Variants in RNF212 observed in about 807,000 individuals in gnomAD.
RNF212 encodes the protein probable E3 SUMO-protein ligase RNF212.
Under a neutral mutation model 34.7 loss-of-function variants are expected in RNF212, and 33 were observed. That is an observed-to-expected ratio of 0.95 (90% confidence interval 0.72 to 1.27). The LOEUF (loss-of-function observed/expected upper bound fraction) is 1.27. RNF212 is among the 50% of genes most tolerant of loss of function. The pLI, the probability that RNF212 is intolerant of heterozygous loss-of-function variation, is 0.00. For synonymous variants in RNF212, 140 were observed against 136.1 expected, an observed-to-expected ratio of 1.03 and a Z score of -0.20; for missense variants, 377 against 362.2, an observed-to-expected ratio of 1.04 and a Z score of -0.33.
chr4:1,074,945 G>T (rs908229288), intron 8 of RNF212, among the ~76,000 whole-genome samples: 17 of 152,236 alleles, frequency 1.1e-4, no homozygotes, highest in Admixed American at 1.3e-4. Context: ...TCAATATCAA[G>T]TTCATCCTAA....
At chr4:1,063,564 G>A (rs541158702) in intron 3 of RNF212, among the ~76,000 whole-genome samples, 18 of 152,138 alleles carry the variant, frequency 1.2e-4, no homozygotes, top group Admixed American at 3.3e-4. Flanking sequence ...AGCCAGGTGT[G>A]GTGGTGCGCA....
intron 5 of RNF212, among the ~76,000 whole-genome samples, chr4:1,083,619 CAG>C (rs1347467010): frequency 2.0e-5 from 3 of 149,886 alleles, no homozygotes; most frequent in African/African-American, 7.5e-5. Context: ...GCCTGGGTGA[CAG>C]AGTGAGACTC....
downstream of RNF212, among the ~76,000 whole-genome samples, chr4:1,069,657 G>A (rs55644007): frequency 3.3e-5 from 5 of 152,294 alleles, no homozygotes; most frequent in East Asian, 9.6e-4. Context: ...TCTGTGCTCC[G>A]ATGTGATGTG....
At chr4:1,079,409 G>C (rs912803968) in intron 8 of RNF212, among the ~76,000 whole-genome samples, 3 of 152,220 alleles carry the variant, frequency 2.0e-5, no homozygotes, top group Non-Finnish European at 4.4e-5. Flanking sequence ...ATTTGCTTTT[G>C]TTTCTCCAGA....
At chr4:1,100,272 T>G (rs1214137899) in intron 2 of RNF212, 5 of 261,332 alleles carry the variant, frequency 1.9e-5, no homozygotes, top group Non-Finnish European at 3.0e-5. Flanking sequence ...TAAGACCCAG[T>G]CACAACACCG....
intron 5 of RNF212, among the ~76,000 whole-genome samples, chr4:1,084,887 A>G (rs1010107929): frequency 1.3e-5 from 2 of 152,210 alleles, no homozygotes; most frequent in Admixed American, 1.3e-4. Flanking sequence ...CAGGGGAAAG[A>G]ATCCCTTTTC....
intron 2 of RNF212, among the ~76,000 whole-genome samples, chr4:1,106,249 T>TAC (rs35166968): frequency 0.048 from 6,934 of 145,910 alleles, 242 homozygotes; most frequent in Admixed American, 0.14. Flanking sequence ...CAATTTTACT[T>TAC]ACACACACAC....
intron 5 of RNF212, among the ~76,000 whole-genome samples, chr4:1,083,880 C>T (rs1248382408): frequency 1.3e-5 from 2 of 151,290 alleles, no homozygotes; most frequent in Non-Finnish European, 2.9e-5. Context: ...AAACACGAAT[C>T]CACAGAATGA....
rs905739300 is a variant in RNF212, at chr4:1,097,980, G to A, written c.172-1141C>T. Among the ~76,000 whole-genome samples, 3 of 152,026 alleles carry A rather than the reference G, an allele frequency of 2.0e-5. No individual in the cohort carries two copies. In the East Asian group the frequency reaches 5.8e-4, roughly 29 times the overall value. ...CTTGGGAGGCTGAGGCAGAAGAATC[G>A]CTTGAACCCGGGAGGTGGAGGTTGC... On this transcript the variant is annotated intron_variant, in intron 2 of 9. Transcript: ENST00000433731.
chr4:1,061,313 G>A (rs76172097), intron 3 of RNF212, among the ~76,000 whole-genome samples: 1 of 152,176 alleles, frequency 6.6e-6, no homozygotes, highest in African/African-American at 2.4e-5. Context: ...GTGGGCTCAA[G>A]GTGGGAGGGG....
intron 8 of RNF212, among the ~76,000 whole-genome samples, chr4:1,076,959 T>A (rs1719404755): frequency 6.6e-6 from 1 of 152,194 alleles, no homozygotes; most frequent in South Asian, 2.1e-4. Flanking sequence ...CAAAAATGTG[T>A]GCTGGCCAGG....
rs1019519360 is a variant in RNF212 at position 1,071,908 on chromosome 4, C to T, written c.*966G>A. 1.3e-5 allele frequency: 2 copies of T among 152,350 alleles called. No homozygotes were observed. Among genetic ancestry groups the T allele is most frequent in the Middle Eastern group, 3.4e-3 (1 of 294 alleles). 9.4% of individuals were successfully genotyped at this position (152,350 alleles called of 1,614,324 possible). A position where few individuals can be genotyped will look rare whatever the true frequency, so the allele number is the denominator to read the frequency against. On this transcript the variant is annotated 3_prime_UTR_variant, in exon 10 of 10. Coordinates refer to ENST00000433731, the MANE Select transcript of RNF212 (RefSeq NM_001131034.4). ...CTCTCACCATCTGATCCAGCATTCACACTCCTTAGTATTTACCCAAAGGAG... is the reference window on the plus strand; with the variant it reads ...CTCTCACCATCTGATCCAGCATTCATACTCCTTAGTATTTACCCAAAGGAG...
At chr4:1,106,620 T>C (rs1247925477) in intron 2 of RNF212, among the ~76,000 whole-genome samples, 1 of 152,180 alleles carries the variant, frequency 6.6e-6, no homozygotes, top group Non-Finnish European at 1.5e-5. Context: ...TGGTCTTAAA[T>C]ATACTTACTA....
At chr4:1,105,257 T>C (rs1297670759) in intron 2 of RNF212, among the ~76,000 whole-genome samples, 1 of 151,826 alleles carries the variant, frequency 6.6e-6, no homozygotes, top group African/African-American at 2.4e-5. Flanking sequence ...AGGAGGCAGA[T>C]GCAGGGGGAG....
intron 2 of RNF212, chr4:1,101,440 TATTCCCTTCTGCTTAA>T (rs1413199145): frequency 3.8e-5 from 6 of 158,228 alleles, no homozygotes; most frequent in African/African-American, 1.4e-4. Context: ...GTAAACATGG[TATTCCCTTCTGCTTAA>T]GATGGGATTT....
chr4:1,085,956 TA>T lies in RNF212; in HGVS notation c.304-3del. On this transcript the variant is annotated splice_region_variant and splice_polypyrimidine_tract_variant and intron_variant, in intron 4 of 9. Transcript: ENST00000433731. Reference sequence around the variant, plus strand: ...AAGGGATTCTTCCAACCTAGAAATCTAAACATAATTACACAACCTCTTGTTA... The same window carrying T: ...AAGGGATTCTTCCAACCTAGAAATCTAACATAATTACACAACCTCTTGTTA... The T allele has an allele frequency of 6.3e-7, 1 of 1,598,212 alleles. No homozygotes were observed. Among genetic ancestry groups the T allele is most frequent in the African/African-American group, 1.3e-5 (1 of 74,746 alleles).
intron 2 of RNF212, among the ~76,000 whole-genome samples, chr4:1,097,834 G>A (rs911452576): frequency 4.6e-5 from 7 of 152,200 alleles, no homozygotes; most frequent in Admixed American, 4.6e-4. Context: ...GGAGGCCAAG[G>A]TGGGCAGATC....
intron 2 of RNF212, among the ~76,000 whole-genome samples, chr4:1,105,141 T>C (rs1724609614): frequency 6.6e-6 from 1 of 152,224 alleles, no homozygotes; most frequent in Non-Finnish European, 1.5e-5. Context: ...AACTGGCGTG[T>C]CCATGACTGT....
intron 4 of RNF212, among the ~76,000 whole-genome samples, chr4:1,087,275 T>G (rs1010037849): frequency 6.9e-4 from 1 of 1,442 alleles, no homozygotes; most frequent in Non-Finnish European, 1.3e-3. Context: ...GAGGATGGGG[T>G]GGGGGTGAGA....
Sources: gnomAD v4.1 joint callset for allele counts (sites outside exome capture counted in the v4.1 genomes callset) on GRCh38, gnomAD v4.1.1 for gene constraint, MANE v1.5 for transcripts, NCBI Gene and HGNC (gene_info 2026-07-23, HGNC 2026-07-21) for gene names.